Variants in ETV6 observed in about 807,000 individuals in gnomAD.
ETV6 encodes the protein transcription factor ETV6.
Under a neutral mutation model 51.1 loss-of-function variants are expected in ETV6, and 16 were observed. The ratio of observed to expected loss-of-function variants is 0.31; its 90% CI spans 0.21 to 0.48. ETV6 has a LOEUF of 0.48. Ranked by LOEUF, ETV6 falls within the 20% of genes least tolerant of loss-of-function variation. The pLI, the probability that ETV6 is intolerant of heterozygous loss-of-function variation, is 0.99. For synonymous variants in ETV6, 240 were observed against 224.1 expected (o/e 1.07, Z -0.64); for missense variants, 458 against 594.8 (o/e 0.77, Z 2.39).
At chr12:11,708,257 GAAAA>G (rs59648448) in intron 1 of ETV6, among the ~76,000 whole-genome samples, 4 of 113,262 alleles carry the variant, frequency 3.5e-5, no homozygotes, top group East Asian at 2.5e-4. Context: ...GAGTCTCAGT[GAAAA>G]AAAAAAAAAA....
In ETV6 at chr12:11,874,573, CACATATATGTGTGTAT is replaced by C. The variant is rs1335812055; in HGVS notation, c.1009+4608_1009+4623del. 1.5e-3 allele frequency among the ~76,000 whole-genome samples: 7 copies of C among 4,810 alleles called. 1 individual carries two copies. The highest frequency in any genetic ancestry group is 2.2e-3 in the African/African-American group (7 of 3,182). 3.2% of individuals were successfully genotyped at this position (4,810 alleles called of 152,430 possible). On this transcript the variant is annotated intron_variant, in intron 5 of 7. Coordinates refer to ENST00000396373, the MANE Select transcript of ETV6 (RefSeq NM_001987.5). ...ACATATATGTGTATGTGCGTGTGTA[CACATATATGTGTGTAT>C]ACACATATATGTGTATGTGCGTGTG...
chr12:11,827,543 C>T (rs1216003919), intron 2 of ETV6, among the ~76,000 whole-genome samples: 2 of 152,138 alleles, frequency 1.3e-5, no homozygotes, highest in Non-Finnish European at 2.9e-5. Flanking sequence ...CCAGCCCCCG[C>T]GCCCTGCCCC....
intron 1 of ETV6, among the ~76,000 whole-genome samples, chr12:11,674,139 CAATA>C (rs1404318430): frequency 1.3e-5 from 2 of 152,174 alleles, no homozygotes; most frequent in Non-Finnish European, 2.9e-5. Context: ...ATCTAGCAAA[CAATA>C]AAGAGCAGTG....
chr12:11,894,447 G>A lies in ETV6; in HGVS notation c.*3401G>A. Reference sequence around the variant, plus strand: ...TCTTGACCCAGGGCGACTTGGTTTTGCTTAAGGTGGCATCACCAATGTTCC... The same window carrying A: ...TCTTGACCCAGGGCGACTTGGTTTTACTTAAGGTGGCATCACCAATGTTCC... On this transcript the variant is annotated 3_prime_UTR_variant, in exon 8 of 8. Transcript: ENST00000396373. 1 of 233,176 alleles carries A rather than the reference G, an allele frequency of 4.3e-6. No homozygotes were observed. Among genetic ancestry groups the A allele is most frequent in the Non-Finnish European group, 8.5e-6 (1 of 117,986 alleles). 14.4% of individuals were successfully genotyped at this position (233,176 alleles called of 1,614,324 possible). A position where few individuals can be genotyped will look rare whatever the true frequency, so the allele number is the denominator to read the frequency against.
intron 2 of ETV6, among the ~76,000 whole-genome samples, chr12:11,799,892 G>A (rs1294371390): frequency 6.6e-6 from 1 of 152,114 alleles, no homozygotes; most frequent in African/African-American, 2.4e-5. Context: ...TAGCCTCTGG[G>A]TCCCTGGGAC....
chr12:11,755,795 T>C (rs914269951), intron 2 of ETV6, among the ~76,000 whole-genome samples: 2 of 152,206 alleles, frequency 1.3e-5, no homozygotes, highest in African/African-American at 4.8e-5. Context: ...ATGGTATTGC[T>C]AAGTCCAAGG....
In ETV6 at chr12:11,893,692, C is replaced by CA. The variant is rs2136624329; in HGVS notation, c.*2649dup. The stretch of plus-strand genomic sequence containing the variant: ...AACTGTTTTATATAGAAAATGATTT[C>CA]AAATATCATAAAATTACCTTCAGGC... On this transcript the variant is annotated 3_prime_UTR_variant, in exon 8 of 8. Coordinates refer to ENST00000396373, the MANE Select transcript of ETV6 (RefSeq NM_001987.5). The CA allele has an allele frequency of 4.5e-6, 1 of 222,150 alleles. No individual in the cohort carries two copies. The highest frequency in any genetic ancestry group is 5.8e-5 in the Admixed American group (1 of 17,318). The allele number at this position is 222,150 out of a possible 1,614,324, so 13.8% of individuals were successfully genotyped here. A position where few individuals can be genotyped will look rare whatever the true frequency, so the allele number is the denominator to read the frequency against.
intron 2 of ETV6, among the ~76,000 whole-genome samples, chr12:11,801,368 G>C (rs1341648444): frequency 6.6e-6 from 1 of 152,180 alleles, no homozygotes; most frequent in Non-Finnish European, 1.5e-5. Flanking sequence ...CCTATGGCTG[G>C]AATGTAAAAG....
chr12:11,880,919 G>A lies in ETV6; in HGVS notation c.1010-3526G>A, dbSNP rs565993508. 1.2e-3 allele frequency among the ~76,000 whole-genome samples: 183 copies of A among 152,212 alleles called. 2 individuals are homozygous for A. Among genetic ancestry groups the A allele is most frequent in the African/African-American group, 4.1e-3 (171 of 41,518 alleles). The stretch of plus-strand genomic sequence containing the variant: ...GGCTGCACACAAACTACTTTCGTTC[G>A]TCCTGATTTACTGGCTTCTTTTCCC... On this transcript the variant is annotated intron_variant, in intron 5 of 7. Coordinates refer to ENST00000396373, the MANE Select transcript of ETV6 (RefSeq NM_001987.5).
At chr12:11,783,506 T>G (rs1266136813) in intron 2 of ETV6, among the ~76,000 whole-genome samples, 12 of 152,026 alleles carry the variant, frequency 7.9e-5, no homozygotes. Context: ...AAAGATAGGA[T>G]CTGGAAGGCA....
At chr12:11,867,183 G>A (rs577203542) in intron 4 of ETV6, among the ~76,000 whole-genome samples, 232 of 152,188 alleles carry the variant, frequency 1.5e-3, no homozygotes, top group African/African-American at 5.3e-3. Flanking sequence ...ATTTCTACCC[G>A]TAAGAAGGTT....
At chr12:11,726,407 AC>A (rs1356083609) in intron 1 of ETV6, among the ~76,000 whole-genome samples, 3 of 152,208 alleles carry the variant, frequency 2.0e-5, no homozygotes, top group Admixed American at 1.3e-4. Flanking sequence ...CTTAGCTCAT[AC>A]AGTAGGTCGT....
At chr12:11,824,208 AC>A (rs938531384) in intron 2 of ETV6, among the ~76,000 whole-genome samples, 16 of 151,906 alleles carry the variant, frequency 1.1e-4, no homozygotes, top group Admixed American at 6.6e-5. Flanking sequence ...CAAAACCAAA[AC>A]CCAGCGACGA....
intron 3 of ETV6, among the ~76,000 whole-genome samples, chr12:11,847,998 C>T (rs921004437): frequency 6.6e-6 from 1 of 152,176 alleles, no homozygotes; most frequent in Admixed American, 6.5e-5. Context: ...GAAAAAAATT[C>T]CATCCATATG....
At chr12:11,855,156 AT>A (rs1173604387) in intron 4 of ETV6, among the ~76,000 whole-genome samples, 4 of 141,682 alleles carry the variant, frequency 2.8e-5, no homozygotes, top group African/African-American at 1.0e-4. Flanking sequence ...AAAAAAAAAA[AT>A]TAGCCGGGCA....
intron 2 of ETV6, among the ~76,000 whole-genome samples, chr12:11,788,763 T>G (rs1469957204): frequency 1.3e-5 from 2 of 151,582 alleles, no homozygotes; most frequent in Admixed American, 6.6e-5. Context: ...TTGGTTTTTT[T>G]TTTTTTTTTT....
chr12:11,713,616 G>C (rs1865215141), intron 1 of ETV6, among the ~76,000 whole-genome samples: 1 of 152,008 alleles, frequency 6.6e-6, no homozygotes, highest in Admixed American at 6.6e-5. Context: ...TTCCACTCAG[G>C]GGGGCTTTCC....
intron 2 of ETV6, among the ~76,000 whole-genome samples, chr12:11,765,865 A>G (rs971971646): frequency 1.3e-5 from 2 of 152,176 alleles, no homozygotes; most frequent in African/African-American, 4.8e-5. Context: ...TTTGTGTATG[A>G]GACTGAGGGG....
chr12:11,861,319 T>C lies in ETV6; in HGVS notation c.463+7758T>C, dbSNP rs185334288. Among the ~76,000 whole-genome samples the C allele has an allele frequency of 1.3e-3, 201 of 152,306 alleles. 1 individual carries two copies. The highest frequency in any genetic ancestry group is 0.01 in the Admixed American group (156 of 15,308). On this transcript the variant is annotated intron_variant, in intron 4 of 7. Transcript: ENST00000396373. ...CAGCCTCATTCCAGCCTTCTGCAAG[T>C]CCTGCTTTCCTCTCCAGGACCTTTG...
Sources: gnomAD v4.1 joint callset for allele counts (sites outside exome capture counted in the v4.1 genomes callset) on GRCh38, gnomAD v4.1.1 for gene constraint, MANE v1.5 for transcripts, NCBI Gene and HGNC (gene_info 2026-07-23, HGNC 2026-07-21) for gene names.